The following SLC25A17 variants were observed in gnomAD, a reference collection of about 807,000 sequenced individuals.
The protein encoded by SLC25A17 is peroxisomal membrane protein PMP34.
Under a neutral mutation model 38.5 loss-of-function variants are expected in SLC25A17, and 26 were observed. That is an observed-to-expected ratio of 0.68 (90% CI 0.50 to 0.94). The LOEUF (loss-of-function observed/expected upper bound fraction) is 0.94, where lower values mean the gene tolerates loss of function less well. SLC25A17 is among the 40% of genes least tolerant of loss of function. The probability of loss-of-function intolerance (pLI) is 0.00; values close to 1 mark genes in which losing one functional copy is unlikely to be tolerated. For missense variants in SLC25A17, 333 were observed against 372.7 expected (o/e 0.89, Z 0.88); for synonymous variants, 139 against 136.2 (o/e 1.02, Z -0.14).
chr22:40,802,738 A>T (rs1228450954), intron 1 of SLC25A17, among the ~76,000 whole-genome samples: 5 of 152,172 alleles, frequency 3.3e-5, no homozygotes, highest in Admixed American at 2.6e-4. Flanking sequence ...TTAGCTGAAA[A>T]CCCACCACTG....
chr22:40,816,012 C>T (rs958683488), intron 1 of SLC25A17, among the ~76,000 whole-genome samples: 1 of 152,040 alleles, frequency 6.6e-6, no homozygotes, highest in Non-Finnish European at 1.5e-5. Context: ...CATGGAGAAA[C>T]CCCGTCTCTA....
At position 40,770,777 on chromosome 22, in the gene SLC25A17, C is replaced by A; in HGVS notation, c.*57G>T. 6.6e-7 allele frequency: 1 copy of A among 1,524,924 alleles called. No individual in the cohort carries two copies. 94.5% of individuals were successfully genotyped at this position (1,524,924 alleles called of 1,614,324 possible). On this transcript the variant is annotated 3_prime_UTR_variant, in exon 9 of 9. Coordinates refer to ENST00000435456, the MANE Select transcript of SLC25A17 (RefSeq NM_006358.4). ...GAGTCAAGGGAGAATCACTTCTCTT[C>A]ACTCAGGAGGAAACCTCCCTCTTGA...
chr22:40,805,711 C>A (rs1004882939), intron 1 of SLC25A17, among the ~76,000 whole-genome samples: 2 of 152,096 alleles, frequency 1.3e-5, no homozygotes, highest in African/African-American at 2.4e-5. Context: ...GGGCTGGACA[C>A]GGCTGCAGGC....
At chr22:40,809,397 T>C (rs1032210736) in intron 1 of SLC25A17, among the ~76,000 whole-genome samples, 1 of 151,844 alleles carries the variant, frequency 6.6e-6, no homozygotes, top group Non-Finnish European at 1.5e-5. Flanking sequence ...GGCGGATTGC[T>C]TGAGCCCAGG....
intron 1 of SLC25A17, among the ~76,000 whole-genome samples, chr22:40,807,789 G>A (rs573334157): frequency 6.6e-6 from 1 of 152,090 alleles, no homozygotes; most frequent in South Asian, 2.1e-4. Context: ...AATGCTAAAG[G>A]TAAATTTGGA....
chr22:40,795,886 C>A (rs1273347604), intron 2 of SLC25A17, among the ~76,000 whole-genome samples: 2 of 152,086 alleles, frequency 1.3e-5, no homozygotes, highest in Non-Finnish European at 2.9e-5. Flanking sequence ...CTTCTGGGTG[C>A]AAGCAATTCT....
chr22:40,778,491 C>T lies in SLC25A17; in HGVS notation c.451+518G>A, dbSNP rs143962244. Among the ~76,000 whole-genome samples, 1,016 of 152,310 alleles carry T rather than the reference C, an allele frequency of 6.7e-3. 8 individuals carry two copies. The highest frequency in any genetic ancestry group is 0.023 in the African/African-American group (952 of 41,566). On this transcript the variant is annotated intron_variant, in intron 5 of 8. Coordinates refer to ENST00000435456, the MANE Select transcript of SLC25A17 (RefSeq NM_006358.4). ...GGTCAGCCTAGATGAGCCAAATCCA[C>T]GTCAATCCACAAACATGTGTTAAAA... is the stretch of plus-strand genomic sequence containing the variant.
At chr22:40,794,626 A>AT in intron 2 of SLC25A17, 46 bp from the exon 3 acceptor site, 8 of 1,384,554 alleles carry the variant, frequency 5.8e-6, no homozygotes, top group East Asian at 2.5e-5. Flanking sequence ...TTAAAAAAAA[A>AT]ATTTTTTTTT....
chr22:40,800,665 G>A (rs530470132), intron 1 of SLC25A17, among the ~76,000 whole-genome samples: 11 of 152,148 alleles, frequency 7.2e-5, no homozygotes, highest in African/African-American at 2.2e-4. Flanking sequence ...CCAAAGTGCA[G>A]GAGTACTAGG....
intron 1 of SLC25A17, among the ~76,000 whole-genome samples, chr22:40,814,747 C>G (rs1428325142): frequency 7.8e-6 from 1 of 127,508 alleles, no homozygotes; most frequent in African/African-American, 3.0e-5. Context: ...AAAGGCAGTA[C>G]GTGCAGAATA....
chr22:40,786,554 T>C (rs975505154), intron 4 of SLC25A17, among the ~76,000 whole-genome samples: 4 of 152,246 alleles, frequency 2.6e-5, no homozygotes, highest in African/African-American at 7.2e-5. Context: ...AGATTACTTA[T>C]AATACAATGT....
At chr22:40,773,858 G>T in intron 8 of SLC25A17, 79 bp downstream of exon 8, 2 of 986,804 alleles carry the variant, frequency 2.0e-6, no homozygotes, top group Non-Finnish European at 1.6e-6. Context: ...AGTAGTGTGA[G>T]AGAGGGAAAT....
intron 4 of SLC25A17, chr22:40,779,654 T>C (rs2057278093): frequency 6.1e-6 from 1 of 162,984 alleles, no homozygotes; most frequent in Non-Finnish European, 1.4e-5. Context: ...AGAAGCTCGC[T>C]GAAGAGTTCC....
Position 40,773,980 on chromosome 22 carries a change from C to G in SLC25A17, c.733G>C (p.Gly245Arg). The G allele has an allele frequency of 6.2e-7, 1 of 1,613,482 alleles. No individual in the cohort carries two copies. The highest frequency in any genetic ancestry group is 8.5e-7 in the Non-Finnish European group (1 of 1,179,486). Residue 245 changes from glycine to arginine, a missense_variant, in exon 8 of 9, where the codon GGA becomes CGA. Physicochemically the swap from Gly to Arg is moderately radical, Grantham distance 125 (BLOSUM62 -2). Transcript: ENST00000435456. ...AGATAGAGAATATTCCGAAGACTTC[C>G]CAATGTTCTGTTTTCTGGGTTTAGT... ...HRLNPENRTL[G>R]SLRNILYLLH...
intron 4 of SLC25A17, among the ~76,000 whole-genome samples, chr22:40,781,295 G>A (rs1043572745): frequency 2.0e-5 from 3 of 151,530 alleles, no homozygotes; most frequent in Admixed American, 1.3e-4. Flanking sequence ...GCCCAGGCCG[G>A]AGTGCAGTGG....
intron 1 of SLC25A17, chr22:40,817,238 G>A (rs1206465489): frequency 6.6e-6 from 1 of 152,364 alleles, no homozygotes; most frequent in Non-Finnish European, 1.5e-5. Flanking sequence ...GACCCAGCTG[G>A]TCTACTTCCT....
At chr22:40,787,386 C>T (rs1294821589) in intron 4 of SLC25A17, among the ~76,000 whole-genome samples, 1 of 152,194 alleles carries the variant, frequency 6.6e-6, no homozygotes, top group Non-Finnish European at 1.5e-5. Flanking sequence ...AAACAGTTCA[C>T]TCTTGGTAAG....
chr22:40,809,153 G>A (rs1602626666), intron 1 of SLC25A17, among the ~76,000 whole-genome samples: 1 of 151,688 alleles, frequency 6.6e-6, no homozygotes, highest in Middle Eastern at 3.4e-3. Flanking sequence ...TTAGGTATGA[G>A]CAACCACACC....
At chr22:40,803,426 TACTTC>T (rs2145693612) in intron 1 of SLC25A17, among the ~76,000 whole-genome samples, 2 of 152,370 alleles carry the variant, frequency 1.3e-5, no homozygotes, top group South Asian at 4.1e-4. Flanking sequence ...GTGCCTGGCT[TACTTC>T]ACTTAACATA....
Sources: allele counts gnomAD v4.1 joint callset (sites outside exome capture counted in the v4.1 genomes callset), GRCh38; gene constraint gnomAD v4.1.1; transcripts MANE v1.5; gene names NCBI Gene and HGNC (gene_info 2026-07-23, HGNC 2026-07-21).